Variants in ROBO2 observed in about 807,000 individuals in gnomAD.
ROBO2 encodes the protein roundabout guidance receptor 2.
Under a neutral mutation model 160.8 loss-of-function variants are expected in ROBO2, and 53 were observed. The observed-to-expected ratio is 0.33, with a 90% confidence interval of 0.26 to 0.41. The LOEUF is 0.41. Among genes scored for constraint, ROBO2 ranks in the 10% least tolerant of loss-of-function variants. The pLI is 1.00. For synonymous variants in ROBO2, 664 were observed against 611.7 expected (o/e 1.09, Z -1.26); for missense variants, 1,577 against 1,722.4 (o/e 0.92, Z 1.49).
At chr3:77,409,009 C>G (rs1238012426) in intron 2 of ROBO2, among the ~76,000 whole-genome samples, 1 of 151,618 alleles carries the variant, frequency 6.6e-6, no homozygotes, top group Admixed American at 6.6e-5. Context: ...GCTGAAATTA[C>G]AGGTGTGAGC....
chr3:77,326,882 C>T (rs181336598), intron 2 of ROBO2, among the ~76,000 whole-genome samples: 2 of 152,260 alleles, frequency 1.3e-5, no homozygotes, highest in East Asian at 1.9e-4. Context: ...TTCCTTACTG[C>T]GTTCTATTTG....
intron 2 of ROBO2, among the ~76,000 whole-genome samples, chr3:76,104,963 C>T (rs2069856903): frequency 6.6e-6 from 1 of 152,140 alleles, no homozygotes; most frequent in Non-Finnish European, 1.5e-5. Flanking sequence ...CCCAAGAACA[C>T]CTTCCAAACT....
At chr3:76,970,258 T>A (rs1288375459) in intron 2 of ROBO2, among the ~76,000 whole-genome samples, 1 of 152,190 alleles carries the variant, frequency 6.6e-6, no homozygotes, top group African/African-American at 2.4e-5. Context: ...AGGGCCTACC[T>A]CTACCATTTC....
intron 2 of ROBO2, among the ~76,000 whole-genome samples, chr3:77,228,860 G>A (rs1406295527): frequency 5.9e-5 from 9 of 152,150 alleles, no homozygotes; most frequent in Non-Finnish European, 8.8e-5. Context: ...AAATGCTCAA[G>A]TCCAGGTTAA....
chr3:76,468,489 C>A lies in ROBO2; in HGVS notation c.109+530887C>A, dbSNP rs535188131. On this transcript the variant is annotated intron_variant, in intron 2 of 26. Coordinates refer to the ROBO2 transcript ENST00000487694. Reference sequence around the variant, plus strand: ...TTCTCACTCAACTTCTTGCCCCTCCCCTTTATAGCCACACATCTGGAAAGA... The same window carrying A: ...TTCTCACTCAACTTCTTGCCCCTCCACTTTATAGCCACACATCTGGAAAGA... Among the ~76,000 whole-genome samples, 48 of 152,196 alleles carry A rather than the reference C, an allele frequency of 3.2e-4. No homozygotes were observed. In the Middle Eastern group the frequency reaches 0.014, roughly 43 times the overall value.
At chr3:76,061,535 T>C (rs1378852187) in intron 2 of ROBO2, among the ~76,000 whole-genome samples, 3 of 152,228 alleles carry the variant, frequency 2.0e-5, no homozygotes, top group Non-Finnish European at 4.4e-5. Context: ...AGTTGTTTGA[T>C]AGTAGAGACG....
At chr3:77,358,689 T>G (rs2069486496) in intron 2 of ROBO2, among the ~76,000 whole-genome samples, 1 of 152,210 alleles carries the variant, frequency 6.6e-6, no homozygotes, top group Non-Finnish European at 1.5e-5. Flanking sequence ...ATCATTTAAG[T>G]GTTTAGCAAT....
intron 2 of ROBO2, among the ~76,000 whole-genome samples, chr3:76,147,377 T>TAAA (rs34630709): frequency 4.9e-4 from 28 of 57,582 alleles, no homozygotes; most frequent in Non-Finnish European, 1.4e-3. Context: ...GAATCAATAT[T>TAAA]AATTATCTTA....
chr3:76,306,468 A>G (rs2071344023), intron 2 of ROBO2, among the ~76,000 whole-genome samples: 1 of 152,168 alleles, frequency 6.6e-6, no homozygotes, highest in African/African-American at 2.4e-5. Flanking sequence ...AGTAAAATTC[A>G]GGGGGTATAA....
intron 1 of ROBO2, among the ~76,000 whole-genome samples, chr3:77,041,314 C>G (rs2064069079): frequency 6.6e-6 from 1 of 152,196 alleles, no homozygotes; most frequent in Non-Finnish European, 1.5e-5. Context: ...TGTGTATCAC[C>G]TGTGTGCCAG....
At chr3:77,056,540 T>C (rs2065762996) in intron 1 of ROBO2, among the ~76,000 whole-genome samples, 2 of 152,156 alleles carry the variant, frequency 1.3e-5, no homozygotes, top group Admixed American at 6.6e-5. Context: ...TTCTTTGAAA[T>C]TGTGTGGGCA....
At chr3:77,143,137 C>A (rs1157361096) in intron 2 of ROBO2, among the ~76,000 whole-genome samples, 9 of 143,148 alleles carry the variant, frequency 6.3e-5, no homozygotes, top group Non-Finnish European at 3.0e-5. Context: ...GACAGCTTTG[C>A]AATTTACCTA....
chr3:77,087,993 TC>T (rs1327935775), intron 1 of ROBO2, among the ~76,000 whole-genome samples: 12 of 152,210 alleles, frequency 7.9e-5, no homozygotes, highest in Admixed American at 2.6e-4. Flanking sequence ...AAGCCTGCAC[TC>T]CCTACGGGTG....
intron 2 of ROBO2, among the ~76,000 whole-genome samples, chr3:76,564,363 A>T (rs1002458841): frequency 3.3e-5 from 5 of 151,376 alleles, no homozygotes; most frequent in African/African-American, 1.2e-4. Flanking sequence ...ATACACTAAT[A>T]AATAAAGAGC....
chr3:77,180,474 C>T (rs569082463), intron 2 of ROBO2, among the ~76,000 whole-genome samples: 292 of 128,776 alleles, frequency 2.3e-3, no homozygotes, highest in African/African-American at 3.5e-3. Flanking sequence ...CTCACTGTGT[C>T]GCCCTGGCTA....
chr3:77,447,682 G>A (rs2080690885), intron 2 of ROBO2, among the ~76,000 whole-genome samples: 2 of 152,074 alleles, frequency 1.3e-5, no homozygotes, highest in Non-Finnish European at 2.9e-5. Flanking sequence ...GAACTAATTA[G>A]TGTCTTCTTT....
intron 2 of ROBO2, among the ~76,000 whole-genome samples, chr3:77,021,611 G>A (rs557143431): frequency 1.3e-5 from 2 of 152,206 alleles, no homozygotes; most frequent in Non-Finnish European, 2.9e-5. Context: ...CTGAACAAAT[G>A]TATCTTGTTT....
chr3:76,605,183 T>C (rs2087548237), intron 2 of ROBO2, among the ~76,000 whole-genome samples: 1 of 152,174 alleles, frequency 6.6e-6, no homozygotes, highest in Non-Finnish European at 1.5e-5. Context: ...GTAGAGATAA[T>C]CTTTCTAAAA....
intron 1 of ROBO2, among the ~76,000 whole-genome samples, chr3:75,915,696 T>C (rs1576121183): frequency 6.6e-6 from 1 of 152,066 alleles, no homozygotes; most frequent in East Asian, 1.9e-4. Context: ...GGCATTTGCA[T>C]AGGACTTGAT....
Sources: allele counts gnomAD v4.1 joint callset (sites outside exome capture counted in the v4.1 genomes callset), GRCh38; gene constraint gnomAD v4.1.1; transcripts MANE v1.5; gene names NCBI Gene and HGNC (gene_info 2026-07-23, HGNC 2026-07-21).